Variants in C1orf21 observed in about 807,000 individuals in gnomAD.
The protein encoded by C1orf21 is uncharacterized protein C1orf21.
A neutral mutation model predicts 18.7 loss-of-function variants in C1orf21; 3 were observed. The observed-to-expected ratio is 0.16, with a 90% CI of 0.07 to 0.42. The LOEUF is 0.42. Among genes scored for constraint, C1orf21 ranks in the 10% least tolerant of loss-of-function variants. The pLI is 0.99. For synonymous variants in C1orf21, 41 were observed against 46.4 expected, an observed-to-expected ratio of 0.88 and a Z score of 0.47; for missense variants, 104 against 143.6, an observed-to-expected ratio of 0.72 and a Z score of 1.41.
chr1:184,589,871 T>G (rs1659412117), intron 3 of C1orf21, among the ~76,000 whole-genome samples: 1 of 152,190 alleles, frequency 6.6e-6, no homozygotes, highest in Admixed American at 6.5e-5. Context: ...ACTCTGCATG[T>G]GATGAGAATG....
At chr1:184,510,629 G>T (rs1015810573) in intron 3 of C1orf21, among the ~76,000 whole-genome samples, 1 of 152,198 alleles carries the variant, frequency 6.6e-6, no homozygotes, top group Admixed American at 6.5e-5. Flanking sequence ...AGTCCTTTTG[G>T]TTGGGAAATG....
At chr1:184,410,651 ATATATATATATATTTTTT>A (rs1656330852) in intron 1 of C1orf21, among the ~76,000 whole-genome samples, 2 of 5,722 alleles carry the variant, frequency 3.5e-4, no homozygotes, top group African/African-American at 8.3e-3. Context: ...ATATATATAT[ATATATATATATATTTTTT>A]TTTTTTTTTT....
intron 3 of C1orf21, among the ~76,000 whole-genome samples, chr1:184,577,074 CATCCAAATCCACGGAACCTATAAAT>C (rs1558006763): frequency 6.6e-6 from 1 of 151,876 alleles, no homozygotes; most frequent in Non-Finnish European, 1.5e-5. Flanking sequence ...ATGATGTCCA[CATCCAAATCCACGGAACCTATAAAT>C]ATATTATGTT....
At chr1:184,530,446 G>T (rs1658442683) in intron 3 of C1orf21, among the ~76,000 whole-genome samples, 1 of 152,132 alleles carries the variant, frequency 6.6e-6, no homozygotes, top group Non-Finnish European at 1.5e-5. Flanking sequence ...CAATGATGAT[G>T]ATGATGATGA....
chr1:184,415,398 C>T (rs1033256808), intron 1 of C1orf21, among the ~76,000 whole-genome samples: 1 of 152,128 alleles, frequency 6.6e-6, no homozygotes, highest in East Asian at 1.9e-4. Context: ...ATTGAAGCAA[C>T]AGTTCCTGGG....
intron 1 of C1orf21, among the ~76,000 whole-genome samples, chr1:184,463,082 CA>C (rs397982231): frequency 0.22 from 17,884 of 80,048 alleles, 936 homozygotes; most frequent in East Asian, 0.28. Flanking sequence ...GACTCCATCT[CA>C]AAAAAAAAAA....
chr1:184,580,752 T>C lies in C1orf21; in HGVS notation c.190-9987T>C, dbSNP rs1480016364. 2.0e-5 allele frequency among the ~76,000 whole-genome samples: 3 copies of C among 152,266 alleles called. No individual in the cohort carries two copies. The East Asian group carries it at 5.8e-4, about 29-fold the overall frequency. ...TTTAGTAAAATTCATATTGCTCTGA[T>C]AGGGGCTGTTTTCAAACTGATATCT... On this transcript the variant is annotated intron_variant, in intron 3 of 5. Transcript: ENST00000235307.
intron 2 of C1orf21, among the ~76,000 whole-genome samples, chr1:184,505,306 A>AATATATATATATATATATATAT (rs59445875): frequency 4.5e-5 from 3 of 66,768 alleles, no homozygotes; most frequent in Non-Finnish European, 8.2e-5. Context: ...TACATAAAGA[A>AATATATATATATATATATATAT]ATATATATAT....
chr1:184,396,485 C>T (rs1167855798), intron 1 of C1orf21, among the ~76,000 whole-genome samples: 1 of 152,170 alleles, frequency 6.6e-6, no homozygotes, highest in African/African-American at 2.4e-5. Context: ...TTGGATTATA[C>T]TCTGAGCTGT....
intron 4 of C1orf21, among the ~76,000 whole-genome samples, chr1:184,591,549 G>C (rs556390362): frequency 6.6e-6 from 1 of 152,234 alleles, no homozygotes; most frequent in East Asian, 1.9e-4. Flanking sequence ...GCTCACGCCT[G>C]TAATCCCAGC....
intron 1 of C1orf21, among the ~76,000 whole-genome samples, chr1:184,447,004 GCAA>G (rs1269460540): frequency 6.6e-6 from 1 of 152,040 alleles, no homozygotes; most frequent in African/African-American, 2.4e-5. Flanking sequence ...ATATTAAAAA[GCAA>G]CAACAACAAA....
intron 1 of C1orf21, among the ~76,000 whole-genome samples, chr1:184,424,459 A>G (rs1656600268): frequency 6.6e-6 from 1 of 152,144 alleles, no homozygotes; most frequent in African/African-American, 2.4e-5. Flanking sequence ...GCTTTTTCAA[A>G]CTGTCTGTCC....
At chr1:184,399,883 A>G (rs1656121785) in intron 1 of C1orf21, among the ~76,000 whole-genome samples, 1 of 152,182 alleles carries the variant, frequency 6.6e-6, no homozygotes, top group African/African-American at 2.4e-5. Flanking sequence ...AGAAACCTTG[A>G]CAACATCAAC....
At chr1:184,536,194 A>G (rs1269149152) in intron 3 of C1orf21, among the ~76,000 whole-genome samples, 1 of 152,140 alleles carries the variant, frequency 6.6e-6, no homozygotes, top group Non-Finnish European at 1.5e-5. Context: ...TTAAAGTGAG[A>G]TTTGACCCAT....
At chr1:184,554,717 C>T (rs1227340990) in intron 3 of C1orf21, among the ~76,000 whole-genome samples, 3 of 152,108 alleles carry the variant, frequency 2.0e-5, no homozygotes, top group Non-Finnish European at 4.4e-5. Context: ...ACTTTATGAC[C>T]TATCCTTTGT....
At chr1:184,566,873 G>T in intron 3 of C1orf21, 1 of 494,856 alleles carries the variant, frequency 2.0e-6, no homozygotes, top group Admixed American at 2.2e-5. Context: ...TGTGACAACA[G>T]CTGCACCCAA....
chr1:184,414,802 A>T (rs1024343790), intron 1 of C1orf21, among the ~76,000 whole-genome samples: 4 of 152,096 alleles, frequency 2.6e-5, no homozygotes, highest in Non-Finnish European at 5.9e-5. Flanking sequence ...GAGTTTTATG[A>T]CTTAGGAGCT....
chr1:184,582,994 A>C (rs1326993320), intron 3 of C1orf21, among the ~76,000 whole-genome samples: 1 of 152,136 alleles, frequency 6.6e-6, no homozygotes, highest in East Asian at 1.9e-4. Context: ...ACACGTCACC[A>C]TGCCTGGCTA....
In C1orf21 at chr1:184,514,594, G is replaced by A. The variant is rs141275160; in HGVS notation, c.189+6912G>A. 4.1e-4 allele frequency among the ~76,000 whole-genome samples: 63 copies of A among 152,260 alleles called. 1 individual carries two copies. The East Asian group carries it at 7.7e-3, about 19-fold the overall frequency. ...GGATAGTTTAACAACATCTGTTAAA[G>A]TTTAAACATGCACACCCATAACCCA... On this transcript the variant is annotated intron_variant, in intron 3 of 5. Transcript: ENST00000235307.
Sources: allele counts gnomAD v4.1 joint callset (sites outside exome capture counted in the v4.1 genomes callset), GRCh38; gene constraint gnomAD v4.1.1; transcripts MANE v1.5; gene names NCBI Gene and HGNC (gene_info 2026-07-23, HGNC 2026-07-21).